Variants in DNAH8 observed in about 807,000 individuals in gnomAD.
DNAH8 encodes the protein dynein axonemal heavy chain 8.
Under a neutral mutation model 562.1 loss-of-function variants are expected in DNAH8, and 382 were observed. The ratio of observed to expected loss-of-function variants is 0.68; its 90% CI spans 0.63 to 0.74. DNAH8 has a LOEUF of 0.74. Among genes scored for constraint, DNAH8 ranks in the 30% least tolerant of loss-of-function variants. The probability of loss-of-function intolerance (pLI) is 0.00; values close to 1 mark genes in which losing one functional copy is unlikely to be tolerated. For missense variants in DNAH8, 5,203 were observed against 5,620.4 expected (o/e 0.93, Z 2.37); for synonymous variants, 1,881 against 1,919.4 (o/e 0.98, Z 0.52).
At chr6:38,727,361 C>G (rs1326967052) in intron 3 of DNAH8, among the ~76,000 whole-genome samples, 1 of 152,242 alleles carries the variant, frequency 6.6e-6, no homozygotes, top group Non-Finnish European at 1.5e-5. Context: ...CCCTTGTTCT[C>G]TGGTTTACAC....
At chr6:38,912,732 A>G (rs1165409016) in intron 66 of DNAH8, among the ~76,000 whole-genome samples, 2 of 152,200 alleles carry the variant, frequency 1.3e-5, no homozygotes, top group African/African-American at 2.4e-5. Context: ...TAACTCATGT[A>G]TACTTACAAT....
rs1194108158 is a variant in DNAH8 at position 38,857,984 on chromosome 6, A to G, written c.5958+242A>G. Among the ~76,000 whole-genome samples the G allele has an allele frequency of 2.0e-5, 3 of 152,236 alleles. No homozygotes were observed. The East Asian group carries it at 5.8e-4, about 29-fold the overall frequency. The stretch of plus-strand genomic sequence containing the variant: ...GTGATATGAGCCAGCTAATTGTTCC[A>G]TTAAACCAAATAACCAGGAACATGA... On this transcript the variant is annotated intron_variant, in intron 42 of 92. Coordinates refer to ENST00000327475, the MANE Select transcript of DNAH8 (RefSeq NM_001206927.2).
At position 38,750,556 on chromosome 6, in the gene DNAH8, A is replaced by G; in HGVS notation, c.1374A>G (p.Glu458=). 6.2e-7 allele frequency: 1 copy of G among 1,611,352 alleles called. No homozygotes were observed. The highest frequency in any genetic ancestry group is 1.1e-5 in the South Asian group (1 of 90,670). The change falls in exon 9 of 93, where the codon GAA becomes GAG. Residue 458 remains glutamate, a synonymous_variant. Coordinates refer to ENST00000327475, the MANE Select transcript of DNAH8 (RefSeq NM_001206927.2). Reference sequence around the variant, plus strand: ...ATGTCAGATATTTGTATACTTTGGAAAAAGTGTGTCAACCTCTCTATAACC... The same window carrying G: ...ATGTCAGATATTTGTATACTTTGGAGAAAGTGTGTCAACCTCTCTATAACC... ...KDNVRYLYTL[E]KVCQPLYNHD... is the part of the protein sequence containing the mutation.
intron 88 of DNAH8, among the ~76,000 whole-genome samples, chr6:39,000,269 A>G (rs753023256): frequency 9.9e-5 from 15 of 152,236 alleles, no homozygotes; most frequent in Non-Finnish European, 1.8e-4. Flanking sequence ...AAATCAGGGT[A>G]TGTATACATT....
chr6:38,844,904 T>C (rs192649470), intron 35 of DNAH8, among the ~76,000 whole-genome samples: 94 of 152,326 alleles, frequency 6.2e-4, no homozygotes, highest in African/African-American at 2.2e-3. Context: ...TTCACATCAT[T>C]CTTAGGACAT....
At chr6:38,736,054 C>CT (rs1250301731) in intron 5 of DNAH8, among the ~76,000 whole-genome samples, 2 of 152,036 alleles carry the variant, frequency 1.3e-5, no homozygotes, top group Non-Finnish European at 2.9e-5. Context: ...AAGAGAATTG[C>CT]TTGAGTCCCC....
chr6:38,861,424 G>T (rs550096647), intron 43 of DNAH8, among the ~76,000 whole-genome samples: 1 of 152,186 alleles, frequency 6.6e-6, no homozygotes, highest in African/African-American at 2.4e-5. Context: ...ACAGAAGCTG[G>T]ATCATGGATA....
chr6:38,982,515 G>C (rs142504276), intron 86 of DNAH8, 53 bp downstream of exon 86: 1 of 973,550 alleles, frequency 1.0e-6, no homozygotes, highest in African/African-American at 1.6e-5. Context: ...TTAAATCAGG[G>C]TTCTACAGTC....
At chr6:38,803,356 T>G (rs764402814) in intron 22 of DNAH8, 45 bp downstream of exon 22, 1 of 1,522,270 alleles carries the variant, frequency 6.6e-7, no homozygotes, top group Non-Finnish European at 9.0e-7. Flanking sequence ...ATCTACAGAT[T>G]CGTTCTTATG....
chr6:38,716,831 G>A (rs773793474), intron 1 of DNAH8: 1 of 152,194 alleles, frequency 6.6e-6, no homozygotes, highest in Non-Finnish European at 1.5e-5. Context: ...CAGCACACAG[G>A]TATGCAACTT....
chr6:38,827,821 C>G (rs185502349), intron 29 of DNAH8, among the ~76,000 whole-genome samples: 243 of 108,850 alleles, frequency 2.2e-3, no homozygotes, highest in African/African-American at 8.4e-3. Flanking sequence ...ATTCAAGTTT[C>G]TTTTCTTTGG....
rs746561861 is a variant in DNAH8 at position 38,834,683 on chromosome 6, T to A, written c.4365+42T>A. The stretch of plus-strand genomic sequence containing the variant: ...TTTGTTACATCGACAATGTGTAATT[T>A]AAAAAATTATTTTGGGGAAAGATGG... On this transcript the variant is annotated intron_variant, in intron 32 of 92. Coordinates refer to ENST00000327475, the MANE Select transcript of DNAH8 (RefSeq NM_001206927.2). 4 of 1,460,794 alleles carry A rather than the reference T, an allele frequency of 2.7e-6. No individual in the cohort carries two copies. In the South Asian group the frequency reaches 4.9e-5, roughly 18 times the overall value. The allele number at this position is 1,460,794 out of a possible 1,614,324, so 90.5% of individuals were successfully genotyped here.
chr6:38,722,645 TA>T, intron 1 of DNAH8, 130 bp from the exon 2 acceptor site: 1 of 731,350 alleles, frequency 1.4e-6, no homozygotes, highest in Non-Finnish European at 2.2e-6. Flanking sequence ...CCCCATAAAC[TA>T]AGCTTCCTTA....
intron 53 of DNAH8, among the ~76,000 whole-genome samples, chr6:38,882,207 T>A (rs1275995329): frequency 2.0e-5 from 3 of 152,172 alleles, no homozygotes; most frequent in Non-Finnish European, 4.4e-5. Flanking sequence ...ATCTCATTAT[T>A]GGGTATTATA....
chr6:38,776,648 C>T (rs1768108905), intron 13 of DNAH8, among the ~76,000 whole-genome samples: 1 of 152,182 alleles, frequency 6.6e-6, no homozygotes, highest in Admixed American at 6.5e-5. Flanking sequence ...ATCACTCTTC[C>T]TGTGGCCTTA....
At chr6:38,999,544 T>C (rs1423597482) in intron 88 of DNAH8, among the ~76,000 whole-genome samples, 1 of 152,048 alleles carries the variant, frequency 6.6e-6, no homozygotes, top group Non-Finnish European at 1.5e-5. Flanking sequence ...TTTACTTCAC[T>C]CTCAAATTAT....
chr6:38,962,620 T>G (rs535205641), intron 82 of DNAH8, among the ~76,000 whole-genome samples: 7 of 152,274 alleles, frequency 4.6e-5, no homozygotes, highest in African/African-American at 1.7e-4. Context: ...ACTCTAAATG[T>G]TAGGTCGATT....
At chr6:39,025,475 C>G (rs1006158058) in intron 91 of DNAH8, among the ~76,000 whole-genome samples, 1 of 152,186 alleles carries the variant, frequency 6.6e-6, no homozygotes, top group Non-Finnish European at 1.5e-5. Context: ...GAAAGCATGA[C>G]CATATGAGTG....
At chr6:39,017,276 G>A (rs1015332080) in intron 91 of DNAH8, among the ~76,000 whole-genome samples, 1 of 152,038 alleles carries the variant, frequency 6.6e-6, no homozygotes, top group African/African-American at 2.4e-5. Flanking sequence ...CCGAAGGTGC[G>A]CCTTTTCAGT....
Sources: allele counts gnomAD v4.1 joint callset (sites outside exome capture counted in the v4.1 genomes callset), GRCh38; gene constraint gnomAD v4.1.1; transcripts MANE v1.5; gene names NCBI Gene and HGNC (gene_info 2026-07-23, HGNC 2026-07-21).